CMIP: variants seen among roughly 807,000 people sequenced by gnomAD.
CMIP encodes the protein C-Maf-inducing protein.
CMIP carries 13 observed loss-of-function variants against 97.3 expected under a neutral mutation model. The ratio of observed to expected loss-of-function variants is 0.13; its 90% CI spans 0.09 to 0.21. The LOEUF (loss-of-function observed/expected upper bound fraction) is 0.21. CMIP is among the 10% of genes least tolerant of loss of function. The pLI is 1.00. For missense variants in CMIP, 847 were observed against 1,024.9 expected, an observed-to-expected ratio of 0.83 and a Z score of 2.37; for synonymous variants, 538 against 436.3, an observed-to-expected ratio of 1.23 and a Z score of -2.91.
chr16:81,633,731 C>T (rs912321964), intron 3 of CMIP, among the ~76,000 whole-genome samples: 5 of 152,226 alleles, frequency 3.3e-5, no homozygotes, highest in African/African-American at 1.2e-4. Context: ...CAGCAGAAGG[C>T]CAGGGTGGTT....
Position 81,700,028 on chromosome 16 carries a change from G to A in CMIP, c.1755+227G>A, listed in dbSNP as rs551644522. ...TCCATTGATCAGTGGGGTTGGGGACGCTTCTGTTCTGCTCATTTATTGCTG... is the reference window on the plus strand; with the variant it reads ...TCCATTGATCAGTGGGGTTGGGGACACTTCTGTTCTGCTCATTTATTGCTG... On this transcript the variant is annotated intron_variant, in intron 15 of 20. Transcript: ENST00000537098. 3.3e-4 allele frequency among the ~76,000 whole-genome samples: 50 copies of A among 152,250 alleles called. 1 individual carries two copies. Among genetic ancestry groups the A allele is most frequent in the Admixed American group, 2.4e-3 (37 of 15,304 alleles).
In CMIP at chr16:81,678,317, C is replaced by T. The variant is rs1026495067; in HGVS notation, c.1077C>T (p.Cys359=). 5 of 1,609,228 alleles carry T rather than the reference C, an allele frequency of 3.1e-6. No homozygotes were observed. The highest frequency in any genetic ancestry group is 4.2e-6 in the Non-Finnish European group (5 of 1,177,610). The change falls in exon 10 of 21, where the codon TGC becomes TGT. Residue 359 remains cysteine, a synonymous_variant. Coordinates refer to ENST00000537098, the MANE Select transcript of CMIP (RefSeq NM_198390.3). ...GCCTGAAGGAAATCCGGAACGGCTG[C>T]CAGCAGCCGTGCGACCGGAAGCCCA... The part of the protein sequence containing the change: ...SPSLKEIRNG[C]QQPCDRKPTL...
rs146478701 is a variant in CMIP at position 81,663,639 on chromosome 16, CAA to C, written c.745-629_745-628del. Among the ~76,000 whole-genome samples the C allele has an allele frequency of 1.9e-3, 295 of 152,264 alleles. 4 individuals carry two copies. The East Asian group carries it at 0.049, about 25-fold the overall frequency. On this transcript the variant is annotated intron_variant, in intron 6 of 20. Transcript: ENST00000537098. Reference sequence around the variant, plus strand: ...AAAGTCAACTGTGGACTCTGGGTAACAATGATGTGTCAGTGTGGGGTTCTCCA... The same window carrying C: ...AAAGTCAACTGTGGACTCTGGGTAACTGATGTGTCAGTGTGGGGTTCTCCA...
intron 1 of CMIP, among the ~76,000 whole-genome samples, chr16:81,533,002 A>AC (rs2090269393): frequency 6.6e-6 from 1 of 151,914 alleles, no homozygotes; most frequent in African/African-American, 2.4e-5. Flanking sequence ...AAACACCCAC[A>AC]CCACACGCTC....
intron 1 of CMIP, among the ~76,000 whole-genome samples, chr16:81,604,808 G>T (rs1412741337): frequency 6.6e-6 from 1 of 152,226 alleles, no homozygotes; most frequent in African/African-American, 2.4e-5. Context: ...GCTAAGGCAG[G>T]GCATGTGAAA....
rs190119985 is a variant in CMIP at position 81,609,257 on chromosome 16, G to T, written c.426+1565G>T. Among the ~76,000 whole-genome samples, 55 of 148,374 alleles carry T rather than the reference G, an allele frequency of 3.7e-4. No homozygotes were observed. In the East Asian group the frequency reaches 0.011, roughly 28 times the overall value. ...CCTCTCATCTTTATGATAGAGGTCA[G>T]TGTCACCCTCCTGCCAGACACTTCT... On this transcript the variant is annotated intron_variant, in intron 2 of 20. Coordinates refer to ENST00000537098, the MANE Select transcript of CMIP (RefSeq NM_198390.3).
At chr16:81,662,691 TG>T (rs1374249341) in intron 6 of CMIP, among the ~76,000 whole-genome samples, 2 of 152,346 alleles carry the variant, frequency 1.3e-5, no homozygotes, top group South Asian at 2.1e-4. Flanking sequence ...CATCCTCATC[TG>T]GGGGCCGGGT....
At chr16:81,683,082 G>T (rs911708485) in intron 10 of CMIP, among the ~76,000 whole-genome samples, 3 of 152,136 alleles carry the variant, frequency 2.0e-5, no homozygotes, top group Non-Finnish European at 4.4e-5. Context: ...AGCTTTTGTT[G>T]TATACCTACG....
At chr16:81,591,167 C>G (rs915657629) in intron 1 of CMIP, among the ~76,000 whole-genome samples, 1 of 152,224 alleles carries the variant, frequency 6.6e-6, no homozygotes, top group African/African-American at 2.4e-5. Context: ...AGTTATTTCT[C>G]TTCTGTGGGC....
At chr16:81,588,107 A>G (rs765345677) in intron 1 of CMIP, among the ~76,000 whole-genome samples, 11 of 152,206 alleles carry the variant, frequency 7.2e-5, no homozygotes, top group Admixed American at 2.6e-4. Context: ...GAGCTGAGAC[A>G]CTGTGTGGAA....
chr16:81,626,267 GTGAC>G (rs1173588817), intron 3 of CMIP, among the ~76,000 whole-genome samples: 15 of 152,096 alleles, frequency 9.9e-5, no homozygotes, highest in Admixed American at 3.9e-4. Flanking sequence ...GAGAGCGAGA[GTGAC>G]TGAGTGTGAC....
At chr16:81,536,446 A>G (rs2090344548) in intron 1 of CMIP, among the ~76,000 whole-genome samples, 3 of 152,356 alleles carry the variant, frequency 2.0e-5, no homozygotes, top group South Asian at 4.1e-4. Flanking sequence ...ATATTCTCTT[A>G]TAGTTCATCT....
chr16:81,628,996 C>T (rs2092113858), intron 3 of CMIP, among the ~76,000 whole-genome samples: 3 of 151,708 alleles, frequency 2.0e-5, no homozygotes, highest in East Asian at 1.9e-4. Context: ...ATTAGCTGGG[C>T]GTGGTGGCTC....
chr16:81,510,415 A>T (rs549221614), intron 1 of CMIP, among the ~76,000 whole-genome samples: 2 of 152,342 alleles, frequency 1.3e-5, no homozygotes, highest in East Asian at 3.9e-4. Flanking sequence ...ATGTGCTCTC[A>T]GCTAAGCACT....
intron 1 of CMIP, among the ~76,000 whole-genome samples, chr16:81,472,354 C>T (rs979050162): frequency 2.0e-5 from 3 of 152,196 alleles, no homozygotes; most frequent in Non-Finnish European, 4.4e-5. Flanking sequence ...AGAAGTGCTT[C>T]GTGAAGATGA....
intron 7 of CMIP, among the ~76,000 whole-genome samples, chr16:81,669,436 C>CAA (rs1428044989): frequency 3.9e-5 from 5 of 126,864 alleles, no homozygotes; most frequent in Non-Finnish European, 8.7e-5. Flanking sequence ...CCTTCCACAC[C>CAA]CCTCTCACCT....
At chr16:81,531,113 A>G (rs1206625255) in intron 1 of CMIP, among the ~76,000 whole-genome samples, 2 of 152,102 alleles carry the variant, frequency 1.3e-5, no homozygotes, top group Non-Finnish European at 2.9e-5. Flanking sequence ...AGTTAAGATC[A>G]TGCTGGAGGT....
Position 81,628,759 on chromosome 16 carries a change from C to G in CMIP, c.477+7833C>G, listed in dbSNP as rs139023525. Among the ~76,000 whole-genome samples the G allele has an allele frequency of 1.1e-3, 169 of 152,306 alleles. 1 individual carries two copies. Among genetic ancestry groups the G allele is most frequent in the African/African-American group, 3.9e-3 (163 of 41,564 alleles). ...GCTCCCACCTGTTCTCGTGGCACAT[C>G]TGGGTAGAGCCTGGGTGTTGCTGGT... On this transcript the variant is annotated intron_variant, in intron 3 of 20. Transcript: ENST00000537098.
At chr16:81,703,320 G>C (rs1031347583) in intron 17 of CMIP, among the ~76,000 whole-genome samples, 2 of 152,102 alleles carry the variant, frequency 1.3e-5, no homozygotes, top group Non-Finnish European at 2.9e-5. Flanking sequence ...CTCAAGGATG[G>C]AGGGGAGTGT....
Sources: gnomAD v4.1 joint callset for allele counts (sites outside exome capture counted in the v4.1 genomes callset) on GRCh38, gnomAD v4.1.1 for gene constraint, MANE v1.5 for transcripts, NCBI Gene and HGNC (gene_info 2026-07-23, HGNC 2026-07-21) for gene names.